Variants in CHRM3 observed in about 807,000 individuals in gnomAD.
CHRM3 encodes the protein muscarinic acetylcholine receptor M3.
A neutral mutation model predicts 41.8 loss-of-function variants in CHRM3; 11 were observed. The ratio of observed to expected loss-of-function variants is 0.26; its 90% CI spans 0.17 to 0.44. The LOEUF is 0.44. Ranked by LOEUF, CHRM3 falls within the 20% of genes least tolerant of loss-of-function variation. CHRM3 has a pLI of 1.00. For missense variants in CHRM3, 571 were observed against 745.4 expected (o/e 0.77, Z 2.72); for synonymous variants, 297 against 301.4 (o/e 0.99, Z 0.15).
At chr1:239,544,197 T>C (rs1029346724) in intron 2 of CHRM3, among the ~76,000 whole-genome samples, 5 of 152,124 alleles carry the variant, frequency 3.3e-5, no homozygotes, top group Non-Finnish European at 7.3e-5. Flanking sequence ...TTTTGTAGCA[T>C]CTCCAATCCA....
At chr1:239,893,911 T>C (rs966826252) in intron 6 of CHRM3, among the ~76,000 whole-genome samples, 3 of 152,166 alleles carry the variant, frequency 2.0e-5, no homozygotes, top group Non-Finnish European at 4.4e-5. Context: ...GTTTTTCCTA[T>C]TGGTGAGGTT....
In CHRM3 at chr1:239,760,461, A is replaced by G. The variant is rs538853562; in HGVS notation, c.-146-66791A>G. Among the ~76,000 whole-genome samples the G allele has an allele frequency of 2.6e-5, 4 of 152,100 alleles. No individual in the cohort carries two copies. In the East Asian group the frequency reaches 7.7e-4, roughly 29 times the overall value. ...CACTAACCTGTCTTTTCACCTGATG[A>G]CCAACCTTGCCTGTTCGTCTACCTT... On this transcript the variant is annotated intron_variant, in intron 5 of 6. Coordinates refer to ENST00000676153, the MANE Select transcript of CHRM3 (RefSeq NM_001375978.1).
At chr1:239,501,050 A>G (rs1668210657) in intron 2 of CHRM3, among the ~76,000 whole-genome samples, 1 of 152,238 alleles carries the variant, frequency 6.6e-6, no homozygotes, top group Non-Finnish European at 1.5e-5. Flanking sequence ...ATATAATGGT[A>G]AAAGACCTTG....
chr1:239,733,369 T>G (rs1462387092), intron 5 of CHRM3, among the ~76,000 whole-genome samples: 1 of 151,930 alleles, frequency 6.6e-6, no homozygotes, highest in Non-Finnish European at 1.5e-5. Flanking sequence ...TACCAGAGAT[T>G]TCCCCCGTTG....
rs552682898 is a variant in CHRM3, at chr1:239,708,476, C to T, written c.-147+30188C>T. ...TCTACTCAACACCCTCCAGTGGCTT[C>T]CCAGCCTCTCTTACTGGGGTGGATT... On this transcript the variant is annotated intron_variant, in intron 5 of 6. Coordinates refer to ENST00000676153, the MANE Select transcript of CHRM3 (RefSeq NM_001375978.1). Among the ~76,000 whole-genome samples the T allele has an allele frequency of 3.3e-5, 5 of 152,256 alleles. No homozygotes were observed. The East Asian group carries it at 5.8e-4, about 18-fold the overall frequency.
intron 3 of CHRM3, among the ~76,000 whole-genome samples, chr1:239,563,807 C>T (rs966387222): frequency 6.6e-5 from 10 of 152,044 alleles, no homozygotes; most frequent in South Asian, 2.1e-4. Context: ...ATGAGGAAAT[C>T]CTGCTGGGAA....
chr1:239,744,949 G>A (rs1404096392), intron 5 of CHRM3, among the ~76,000 whole-genome samples: 1 of 152,106 alleles, frequency 6.6e-6, no homozygotes, highest in Non-Finnish European at 1.5e-5. Flanking sequence ...AGACAGTGCA[G>A]GCGAAGGGAC....
intron 1 of CHRM3, among the ~76,000 whole-genome samples, chr1:239,447,800 CAAA>C (rs1225711918): frequency 1.3e-5 from 2 of 148,696 alleles, no homozygotes; most frequent in Non-Finnish European, 3.0e-5. Context: ...AACAAACAAA[CAAA>C]AACATTTATT....
chr1:239,847,645 A>G (rs1002031626), intron 6 of CHRM3, among the ~76,000 whole-genome samples: 1 of 152,096 alleles, frequency 6.6e-6, no homozygotes, highest in African/African-American at 2.4e-5. Flanking sequence ...TGGGAGGATC[A>G]CTTGATCCCA....
At chr1:239,479,081 G>A (rs1370860405) in intron 1 of CHRM3, among the ~76,000 whole-genome samples, 1 of 152,016 alleles carries the variant, frequency 6.6e-6, no homozygotes, top group Non-Finnish European at 1.5e-5. Context: ...CTACTTGGGA[G>A]GCTTTTGCAG....
At chr1:239,620,365 C>A (rs527747926) in intron 3 of CHRM3, among the ~76,000 whole-genome samples, 2 of 152,182 alleles carry the variant, frequency 1.3e-5, no homozygotes, top group African/African-American at 4.8e-5. Flanking sequence ...GTTTGAGACC[C>A]AAGAGATAAT....
At chr1:239,818,140 G>A (rs998189594) in intron 5 of CHRM3, among the ~76,000 whole-genome samples, 1 of 152,078 alleles carries the variant, frequency 6.6e-6, no homozygotes, top group African/African-American at 2.4e-5. Context: ...TCTGGTGAGG[G>A]CTCTCTTCCT....
chr1:239,831,401 CA>C (rs1008490483), intron 6 of CHRM3, among the ~76,000 whole-genome samples: 2 of 152,136 alleles, frequency 1.3e-5, no homozygotes, highest in African/African-American at 4.8e-5. Flanking sequence ...AGTGCCTTAC[CA>C]ATGCCCTCTT....
chr1:239,603,688 T>C (rs560146962), intron 3 of CHRM3, among the ~76,000 whole-genome samples: 1 of 152,198 alleles, frequency 6.6e-6, no homozygotes, highest in African/African-American at 2.4e-5. Flanking sequence ...AAACTAACCT[T>C]ATATGATTCG....
At chr1:239,441,347 C>G (rs772351150) in intron 1 of CHRM3, among the ~76,000 whole-genome samples, 11 of 152,182 alleles carry the variant, frequency 7.2e-5, no homozygotes, top group Non-Finnish European at 1.3e-4. Flanking sequence ...TAAGTAAGGT[C>G]TTAGACTATT....
At chr1:239,770,787 T>C (rs1667598501) in intron 5 of CHRM3, among the ~76,000 whole-genome samples, 3 of 152,248 alleles carry the variant, frequency 2.0e-5, no homozygotes, top group South Asian at 2.1e-4. Context: ...AGTACCCAAG[T>C]GAGTTTTATA....
At chr1:239,566,480 A>G (rs1661372589) in intron 3 of CHRM3, among the ~76,000 whole-genome samples, 1 of 152,174 alleles carries the variant, frequency 6.6e-6, no homozygotes, top group Admixed American at 6.5e-5. Context: ...TTGTTATTAA[A>G]ACACATTATA....
At chr1:239,776,377 ATGTAAG>A (rs1363974616) in intron 5 of CHRM3, among the ~76,000 whole-genome samples, 6 of 152,234 alleles carry the variant, frequency 3.9e-5, no homozygotes, top group Non-Finnish European at 7.3e-5. Context: ...AGCATTAATT[ATGTAAG>A]TGTATCTTAA....
intron 1 of CHRM3, among the ~76,000 whole-genome samples, chr1:239,392,192 C>A (rs544080427): frequency 3.0e-4 from 45 of 152,276 alleles, no homozygotes; most frequent in African/African-American, 9.1e-4. Flanking sequence ...GTGACAAACC[C>A]TTGGACCTAA....
Sources: gnomAD v4.1 joint callset for allele counts (sites outside exome capture counted in the v4.1 genomes callset) on GRCh38, gnomAD v4.1.1 for gene constraint, MANE v1.5 for transcripts, NCBI Gene and HGNC (gene_info 2026-07-23, HGNC 2026-07-21) for gene names.